The following EFHB variants were observed in gnomAD, a reference collection of about 807,000 sequenced individuals.
The protein encoded by EFHB is EF-hand domain family member B.
A neutral mutation model predicts 87.2 loss-of-function variants in EFHB; 91 were observed. That is an observed-to-expected ratio of 1.04 (90% CI 0.88 to 1.24). The LOEUF is 1.24. Ranked by LOEUF, EFHB falls within the 50% of genes most tolerant of loss-of-function variation. The pLI is 0.00. For synonymous variants in EFHB, 325 were observed against 333.6 expected (o/e 0.97, Z 0.28); for missense variants, 1,084 against 998.8 (o/e 1.09, Z -1.15).
In EFHB at chr3:19,888,487, G is replaced by C; in HGVS notation, c.1890C>G (p.Asp630Glu). Residue 630 changes from aspartate to glutamate, a missense_variant, in exon 10 of 13, where the codon GAC (aspartate) becomes GAG (glutamate). Asp to Glu is a conservative substitution (Grantham distance 45). Coordinates refer to ENST00000295824, the MANE Select transcript of EFHB (RefSeq NM_144715.4). ...CTTCATACTCTTTAAGAAGCATTTT[G>C]TCTTTCCAGTTAAGAAAATTTGCGA... ...LEFANFLNWK[D>E]KMLLKEYEER... is the part of the protein sequence containing the mutation. The C allele has an allele frequency of 6.4e-7, 1 of 1,569,628 alleles. No individual in the cohort carries two copies.
chr3:19,894,694 A>C (rs1694413934), intron 9 of EFHB: 1 of 152,192 alleles, frequency 6.6e-6, no homozygotes, highest in African/African-American at 2.4e-5. Context: ...TTAACTATTA[A>C]AAGGTATATC....
intron 6 of EFHB, among the ~76,000 whole-genome samples, chr3:19,902,607 C>T (rs1436086279): frequency 6.6e-6 from 1 of 152,040 alleles, no homozygotes; most frequent in Non-Finnish European, 1.5e-5. Flanking sequence ...CTGCCTCAGC[C>T]TCCCAAAGTG....
intron 5 of EFHB, among the ~76,000 whole-genome samples, chr3:19,910,329 C>G (rs1290355030): frequency 6.6e-6 from 1 of 151,974 alleles, no homozygotes; most frequent in Non-Finnish European, 1.5e-5. Context: ...TCCTCATGGC[C>G]TGGGGTGGCG....
chr3:19,917,887 G>A (rs7627239), intron 4 of EFHB, among the ~76,000 whole-genome samples: 1 of 152,144 alleles, frequency 6.6e-6, no homozygotes, highest in Non-Finnish European at 1.5e-5. Context: ...CACATGTGAA[G>A]CACTGATGGA....
At chr3:19,916,655 T>C (rs1695244150) in intron 4 of EFHB, among the ~76,000 whole-genome samples, 1 of 152,234 alleles carries the variant, frequency 6.6e-6, no homozygotes, top group African/African-American at 2.4e-5. Context: ...GTTTGTTTAA[T>C]AGCTGCATTC....
In EFHB at chr3:19,933,338, A is replaced by C. The variant is rs1695895780; in HGVS notation, c.681T>G (p.His227Gln). The change falls in exon 1 of 13, where the codon CAT (histidine) becomes CAG (glutamine). Residue 227 changes from histidine to glutamine, a missense_variant. Coordinates refer to ENST00000295824, the MANE Select transcript of EFHB (RefSeq NM_144715.4). ...EPPQCQFAQQ[H>Q]EQRKEAGNIE... ...TGTTTCCAGCCTCCTTTCTCTGTTCATGTTGTTGGGCAAACTGGCATTGGG... is the reference window on the plus strand; with the variant it reads ...TGTTTCCAGCCTCCTTTCTCTGTTCCTGTTGTTGGGCAAACTGGCATTGGG... 4.3e-6 allele frequency: 7 copies of C among 1,613,890 alleles called. No individual in the cohort carries two copies. The highest frequency in any genetic ancestry group is 5.1e-6 in the Non-Finnish European group (6 of 1,179,874).
intron 6 of EFHB, among the ~76,000 whole-genome samples, chr3:19,902,894 G>A (rs1472470694): frequency 2.0e-5 from 3 of 151,866 alleles, no homozygotes; most frequent in Non-Finnish European, 1.5e-5. Flanking sequence ...AATACAAAAA[G>A]GGCTGGGCAC....
upstream of EFHB, among the ~76,000 whole-genome samples, chr3:19,938,444 G>A (rs1269208190): frequency 6.6e-6 from 1 of 152,190 alleles, no homozygotes; most frequent in Non-Finnish European, 1.5e-5. Context: ...AATGCATAAA[G>A]TGTTGATACA....
chr3:19,892,582 A>G (rs1285113919), intron 9 of EFHB, among the ~76,000 whole-genome samples: 2 of 152,182 alleles, frequency 1.3e-5, no homozygotes, highest in Non-Finnish European at 2.9e-5. Flanking sequence ...AGGCATAAAA[A>G]GGATTCTAGG....
Sources: gnomAD v4.1 joint callset for allele counts (sites outside exome capture counted in the v4.1 genomes callset) on GRCh38, gnomAD v4.1.1 for gene constraint, MANE v1.5 for transcripts, NCBI Gene and HGNC (gene_info 2026-07-23, HGNC 2026-07-21) for gene names.